Variants in HIPK3 observed in about 807,000 individuals in gnomAD.
The protein encoded by HIPK3 is homeodomain interacting protein kinase 3.
Under a neutral mutation model 124.2 loss-of-function variants are expected in HIPK3, and 47 were observed. The ratio of observed to expected loss-of-function variants is 0.38; its 90% confidence interval spans 0.30 to 0.48. HIPK3 has a LOEUF of 0.48. Among genes scored for constraint, HIPK3 ranks in the 20% least tolerant of loss-of-function variants. The pLI, the probability that HIPK3 is intolerant of heterozygous loss-of-function variation, is 0.98. For synonymous variants in HIPK3, 482 were observed against 515.2 expected (o/e 0.94, Z 0.87); for missense variants, 1,286 against 1,454.3 (o/e 0.88, Z 1.88).
At chr11:33,330,464 G>A (rs1332314783) in intron 3 of HIPK3, among the ~76,000 whole-genome samples, 2 of 152,148 alleles carry the variant, frequency 1.3e-5, no homozygotes, top group East Asian at 1.9e-4. Flanking sequence ...GAGTAGCTGG[G>A]ATTACAGGCA....
At position 33,266,924 on chromosome 11, in the gene HIPK3, G is replaced by T. The variant is rs149623242; in HGVS notation, c.-3+9035G>T. 3.1e-3 allele frequency among the ~76,000 whole-genome samples: 464 copies of T among 152,118 alleles called. 2 individuals carry two copies. The highest frequency in any genetic ancestry group is 0.011 in the African/African-American group (447 of 41,486). ...AAGAAGGTCATATTTCTCAGATGTG[G>T]CTAGTAATACAGTTCTCTTGTTTTC... On this transcript the variant is annotated intron_variant, in intron 1 of 16. Coordinates refer to ENST00000303296, the MANE Select transcript of HIPK3 (RefSeq NM_005734.5).
intron 2 of HIPK3, among the ~76,000 whole-genome samples, chr11:33,323,522 C>T (rs187057718): frequency 8.6e-4 from 131 of 152,222 alleles, no homozygotes; most frequent in African/African-American, 3.1e-3. Flanking sequence ...GGATTACAGG[C>T]GTGAGCCACC....
At chr11:33,294,814 T>A (rs1314503422) in intron 2 of HIPK3, among the ~76,000 whole-genome samples, 1 of 152,208 alleles carries the variant, frequency 6.6e-6, no homozygotes, top group Non-Finnish European at 1.5e-5. Flanking sequence ...TCAATACTGT[T>A]AGCTAATTTA....
At chr11:33,344,518 A>C (rs1265713987) in intron 8 of HIPK3, among the ~76,000 whole-genome samples, 7 of 152,344 alleles carry the variant, frequency 4.6e-5, no homozygotes, top group Admixed American at 1.3e-4. Context: ...GGTTAGAAAA[A>C]TCTTTTATCT....
chr11:33,345,083 C>T (rs1403368346), intron 8 of HIPK3, among the ~76,000 whole-genome samples: 1 of 152,020 alleles, frequency 6.6e-6, no homozygotes, highest in Non-Finnish European at 1.5e-5. Context: ...TTAAGTAATG[C>T]ATTTAATATA....
intron 2 of HIPK3, among the ~76,000 whole-genome samples, chr11:33,297,401 A>G (rs908892531): frequency 8.6e-5 from 13 of 151,998 alleles, no homozygotes; most frequent in African/African-American, 3.1e-4. Context: ...GCTGGAAGAG[A>G]TTTTTGTGGT....
intron 2 of HIPK3, among the ~76,000 whole-genome samples, chr11:33,301,318 G>A (rs1324485390): frequency 6.6e-6 from 1 of 152,108 alleles, no homozygotes; most frequent in Admixed American, 6.5e-5. Context: ...GTGTTCCAAA[G>A]TTACTTAGGT....
At chr11:33,266,541 CAAAG>C (rs1850970297) in intron 1 of HIPK3, among the ~76,000 whole-genome samples, 1 of 152,000 alleles carries the variant, frequency 6.6e-6, no homozygotes, top group South Asian at 2.1e-4. Flanking sequence ...TACCGAAAAA[CAAAG>C]AAAATACAAA....
chr11:33,290,590 C>T (rs559899868), intron 2 of HIPK3, among the ~76,000 whole-genome samples: 10 of 150,416 alleles, frequency 6.6e-5, no homozygotes, highest in African/African-American at 1.7e-4. Context: ...TCAGAATTAC[C>T]TCATTTTCTT....
intron 1 of HIPK3, among the ~76,000 whole-genome samples, chr11:33,259,828 A>G (rs1257485442): frequency 8.6e-6 from 1 of 116,850 alleles, no homozygotes; most frequent in Non-Finnish European, 1.6e-5. Flanking sequence ...TCTCTTTTCT[A>G]AGAAAAAAGT....
intron 6 of HIPK3, among the ~76,000 whole-genome samples, chr11:33,340,360 G>A (rs550083183): frequency 1.6e-4 from 24 of 152,344 alleles, no homozygotes; most frequent in Admixed American, 5.2e-4. Context: ...ATAGGTGTGT[G>A]CCACTGCACC....
intron 2 of HIPK3, among the ~76,000 whole-genome samples, chr11:33,303,039 T>G (rs1168628215): frequency 6.6e-6 from 1 of 152,226 alleles, no homozygotes; most frequent in Admixed American, 6.5e-5. Context: ...ACCAGTCTGA[T>G]CTGTCATTTC....
chr11:33,258,056 C>T (rs1167057586), intron 1 of HIPK3, among the ~76,000 whole-genome samples, 167 bp downstream of exon 1: 1 of 152,040 alleles, frequency 6.6e-6, no homozygotes, highest in African/African-American at 2.4e-5. Flanking sequence ...CCCCAGCGCT[C>T]TCGTGCTCCC....
intron 2 of HIPK3, among the ~76,000 whole-genome samples, chr11:33,318,254 T>C (rs549540564): frequency 4.6e-5 from 7 of 152,008 alleles, no homozygotes; most frequent in Non-Finnish European, 1.0e-4. Context: ...TTTATAGAGA[T>C]GGGGGTCTCA....
intron 2 of HIPK3, among the ~76,000 whole-genome samples, chr11:33,320,063 C>T (rs1165026985): frequency 6.6e-6 from 1 of 152,144 alleles, no homozygotes; most frequent in African/African-American, 2.4e-5. Flanking sequence ...TTTTTAAATG[C>T]AGAGGTCTTG....
intron 3 of HIPK3, among the ~76,000 whole-genome samples, chr11:33,335,272 A>G (rs1440961041): frequency 2.0e-5 from 3 of 152,266 alleles, no homozygotes; most frequent in Middle Eastern, 3.4e-3. Context: ...AATTGTGGGC[A>G]CTTAGGACTT....
At chr11:33,297,700 T>C (rs1024771806) in intron 2 of HIPK3, among the ~76,000 whole-genome samples, 6 of 151,904 alleles carry the variant, frequency 3.9e-5, no homozygotes, top group African/African-American at 1.5e-4. Context: ...AACAGCTTTA[T>C]ATTGTAAGAT....
chr11:33,288,492 C>T (rs1851614685), intron 2 of HIPK3, among the ~76,000 whole-genome samples: 1 of 152,104 alleles, frequency 6.6e-6, no homozygotes, highest in Admixed American at 6.6e-5. Context: ...ACTTCTTTGG[C>T]TCCCGTGACT....
chr11:33,261,014 A>G (rs1394637108), intron 1 of HIPK3, among the ~76,000 whole-genome samples: 1 of 150,614 alleles, frequency 6.6e-6, no homozygotes, highest in East Asian at 1.9e-4. Flanking sequence ...TTTCACTGGG[A>G]TGTAGTATTT....
Sources: gnomAD v4.1 joint callset for allele counts (sites outside exome capture counted in the v4.1 genomes callset) on GRCh38, gnomAD v4.1.1 for gene constraint, MANE v1.5 for transcripts, NCBI Gene and HGNC (gene_info 2026-07-23, HGNC 2026-07-21) for gene names.